DPP10: variants seen among roughly 807,000 people sequenced by gnomAD.
The protein encoded by DPP10 is inactive dipeptidyl peptidase 10.
Under a neutral mutation model 120.9 loss-of-function variants are expected in DPP10, and 33 were observed. The observed-to-expected ratio is 0.27, with a 90% CI of 0.21 to 0.37. DPP10 has a LOEUF of 0.37. Ranked by LOEUF, DPP10 falls within the 10% of genes least tolerant of loss-of-function variation. DPP10 has a pLI of 1.00. For missense variants in DPP10, 816 were observed against 942.8 expected (o/e 0.87, Z 1.76); for synonymous variants, 337 against 326.1 (o/e 1.03, Z -0.36).
chr2:114,477,796 T>C (rs1244175236), intron 1 of DPP10, among the ~76,000 whole-genome samples: 1 of 151,176 alleles, frequency 6.6e-6, no homozygotes, highest in African/African-American at 2.4e-5. Flanking sequence ...TATATGTATA[T>C]GCACATATAC....
intron 5 of DPP10, among the ~76,000 whole-genome samples, chr2:115,561,488 GAA>G (rs762317999): frequency 3.6e-4 from 54 of 151,356 alleles, no homozygotes; most frequent in Non-Finnish European, 7.4e-4. Flanking sequence ...AATTTTATGA[GAA>G]AGTTATTTGG....
intron 1 of DPP10, among the ~76,000 whole-genome samples, chr2:114,748,362 T>TTTTTTA (rs1553418253): frequency 8.0e-6 from 1 of 124,730 alleles, no homozygotes; most frequent in Non-Finnish European, 1.6e-5. Flanking sequence ...TTTTTTTTTA[T>TTTTTTA]TTTATTTATT....
intron 1 of DPP10, among the ~76,000 whole-genome samples, chr2:114,747,857 G>T (rs1678723001): frequency 6.6e-6 from 1 of 151,994 alleles, no homozygotes; most frequent in Non-Finnish European, 1.5e-5. Flanking sequence ...GTAAACACTA[G>T]ATCATCTCAT....
intron 5 of DPP10, among the ~76,000 whole-genome samples, chr2:115,534,591 A>G (rs1234689240): frequency 6.6e-6 from 1 of 152,078 alleles, no homozygotes; most frequent in African/African-American, 2.4e-5. Context: ...GTGTCTTTAT[A>G]GCAGCATGAT....
At chr2:114,566,979 G>A (rs1367182) in intron 1 of DPP10, among the ~76,000 whole-genome samples, 150,603 of 152,304 alleles carry the variant, frequency 0.99, 74,482 homozygotes, top group Middle Eastern at 1. Context: ...AATGCCAAAC[G>A]TTGGTTCATT....
intron 1 of DPP10, among the ~76,000 whole-genome samples, chr2:114,563,927 A>G (rs1688971863): frequency 6.6e-6 from 1 of 152,162 alleles, no homozygotes; most frequent in Admixed American, 6.5e-5. Context: ...GCATTCTTGA[A>G]GCTTTCCTCT....
chr2:114,927,597 C>G (rs1305217473), intron 1 of DPP10, among the ~76,000 whole-genome samples: 4 of 152,130 alleles, frequency 2.6e-5, no homozygotes, highest in Admixed American at 6.5e-5. Context: ...GCATCCATCT[C>G]TGTGAGCAGC....
chr2:115,158,843 C>T (rs2104943934), intron 1 of DPP10, among the ~76,000 whole-genome samples: 1 of 152,078 alleles, frequency 6.6e-6, no homozygotes, highest in African/African-American at 2.4e-5. Flanking sequence ...AGAAGTTATG[C>T]TTTGTAAATA....
chr2:114,882,429 T>A (rs35413866), intron 1 of DPP10, among the ~76,000 whole-genome samples: 84,385 of 151,772 alleles, frequency 0.56, 23,889 homozygotes, highest in East Asian at 0.7. Flanking sequence ...TAGTGTATAT[T>A]CTCACTTATA....
intron 5 of DPP10, among the ~76,000 whole-genome samples, chr2:115,648,649 T>A (rs2087488826): frequency 2.0e-5 from 3 of 151,912 alleles, no homozygotes; most frequent in Admixed American, 1.3e-4. Context: ...AGTAGACAAT[T>A]TTTGTCAATT....
At chr2:114,491,764 TATTTA>T (rs971665894) in intron 1 of DPP10, among the ~76,000 whole-genome samples, 1 of 152,214 alleles carries the variant, frequency 6.6e-6, no homozygotes, top group African/African-American at 2.4e-5. Context: ...AATTTTCAGT[TATTTA>T]ATTCTGGAAT....
At chr2:114,780,176 G>A (rs1410843769) in intron 1 of DPP10, among the ~76,000 whole-genome samples, 1 of 152,038 alleles carries the variant, frequency 6.6e-6, no homozygotes, top group African/African-American at 2.4e-5. Flanking sequence ...AAAGAGGGAT[G>A]ATTGATTTTC....
chr2:115,369,470 AT>A (rs2065270224), intron 3 of DPP10, among the ~76,000 whole-genome samples: 1 of 152,086 alleles, frequency 6.6e-6, no homozygotes. Context: ...AATTTATTAA[AT>A]GCCTGTCCTG....
chr2:115,373,642 C>T (rs776090840), intron 3 of DPP10, among the ~76,000 whole-genome samples: 1 of 151,776 alleles, frequency 6.6e-6, no homozygotes, highest in African/African-American at 2.4e-5. Context: ...GTAGATAGTC[C>T]ATAAGTTAAA....
At chr2:114,733,357 T>C (rs1008904662) in intron 1 of DPP10, among the ~76,000 whole-genome samples, 2 of 152,140 alleles carry the variant, frequency 1.3e-5, no homozygotes, top group African/African-American at 2.4e-5. Context: ...TTGTTTTGGA[T>C]CTTTGGCTGG....
chr2:115,172,861 T>G (rs1478688987), intron 1 of DPP10, among the ~76,000 whole-genome samples: 1 of 152,192 alleles, frequency 6.6e-6, no homozygotes, highest in African/African-American at 2.4e-5. Flanking sequence ...TAAAGCACCT[T>G]TTGTCATTGT....
chr2:115,165,257 TTTA>T, intron 1 of DPP10, among the ~76,000 whole-genome samples: 1 of 152,224 alleles, frequency 6.6e-6, no homozygotes, highest in Non-Finnish European at 1.5e-5. Flanking sequence ...GAGTCCTGTT[TTTA>T]TTCCTATTTT....
chr2:114,868,849 G>A (rs1415168709), intron 1 of DPP10, among the ~76,000 whole-genome samples: 1 of 152,068 alleles, frequency 6.6e-6, no homozygotes, highest in Non-Finnish European at 1.5e-5. Context: ...TGAGTTTTAG[G>A]GTCAACCAGA....
At chr2:115,089,100 C>T (rs1205135858) in intron 1 of DPP10, among the ~76,000 whole-genome samples, 1 of 152,146 alleles carries the variant, frequency 6.6e-6, no homozygotes, top group African/African-American at 2.4e-5. Flanking sequence ...AACTTCTTGA[C>T]ATCTTCAGCC....
Sources: gnomAD v4.1 joint callset for allele counts (sites outside exome capture counted in the v4.1 genomes callset) on GRCh38, gnomAD v4.1.1 for gene constraint, MANE v1.5 for transcripts, NCBI Gene and HGNC (gene_info 2026-07-23, HGNC 2026-07-21) for gene names.